SMARCB1: variants seen among roughly 807,000 people sequenced by gnomAD.
SMARCB1 encodes SWI/SNF-related matrix-associated actin-dependent regulator of chromatin subfamily B member 1.
A neutral mutation model predicts 49.0 loss-of-function variants in SMARCB1; 5 were observed. The ratio of observed to expected loss-of-function variants is 0.10; its 90% CI spans 0.05 to 0.21. SMARCB1 has a LOEUF of 0.21. Ranked by LOEUF, SMARCB1 falls within the 10% of genes least tolerant of loss-of-function variation. The probability of loss-of-function intolerance (pLI) is 1.00; values close to 1 mark genes in which losing one functional copy is unlikely to be tolerated. For missense variants in SMARCB1, 226 were observed against 509.2 expected, an observed-to-expected ratio of 0.44 and a Z score of 5.35; for synonymous variants, 201 against 200.1, an observed-to-expected ratio of 1.00 and a Z score of -0.04.
intron 5 of SMARCB1, among the ~76,000 whole-genome samples, chr22:23,807,275 A>G (rs1929550900): frequency 6.6e-6 from 1 of 152,130 alleles, no homozygotes; most frequent in African/African-American, 2.4e-5. Context: ...GTTTTTAGAG[A>G]TTTATATCCA....
intron 5 of SMARCB1, among the ~76,000 whole-genome samples, chr22:23,812,862 G>A (rs1055215515): frequency 2.4e-5 from 3 of 124,048 alleles, no homozygotes; most frequent in African/African-American, 9.3e-5. Context: ...AAGTCCTGTT[G>A]CTATTTTTTT....
In SMARCB1 at chr22:23,791,869, TAAAA is replaced by T; in HGVS notation, c.211_214del (p.Lys71GlnfsTer13). The T allele has an allele frequency of 6.2e-7, 1 of 1,614,068 alleles. No individual in the cohort carries two copies. Among genetic ancestry groups the T allele is most frequent in the Non-Finnish European group, 8.5e-7 (1 of 1,179,978 alleles). Reference sequence around the variant, plus strand: ...AGAAAATAGTTGCATCGTCACATGGTAAAAAAACAAAACCTAACACTAAGGGTGC... The same window carrying T: ...AGAAAATAGTTGCATCGTCACATGGTAAACAAAACCTAACACTAAGGGTGC... On this transcript the variant is annotated frameshift_variant, in exon 2 of 9. Coordinates refer to ENST00000644036, the MANE Select transcript of SMARCB1 (RefSeq NM_003073.5). LOFTEE classifies it high-confidence loss of function.
At chr22:23,815,491 G>A (rs4387913) in intron 5 of SMARCB1, 59,206 of 151,942 alleles carry the variant, frequency 0.39, 14,100 homozygotes, top group Non-Finnish European at 0.52. Context: ...CCGATATAGC[G>A]CCACTGCACT....
rs1320745476 is a variant in SMARCB1 at position 23,835,923 on chromosome 22, C to T, written c.*1743C>T. ...CCATCTCCACAAGGTCTGGCTACAACACGGAGGGCAGACTCAACAGAGAAC... is the reference window on the plus strand; with the variant it reads ...CCATCTCCACAAGGTCTGGCTACAATACGGAGGGCAGACTCAACAGAGAAC... On this transcript the variant is annotated 3_prime_UTR_variant, in exon 9 of 9. Coordinates refer to ENST00000644036, the MANE Select transcript of SMARCB1 (RefSeq NM_003073.5). 1 of 985,528 alleles carries T rather than the reference C, an allele frequency of 1.0e-6. No individual in the cohort carries two copies. Among genetic ancestry groups the T allele is most frequent in the Non-Finnish European group, 1.2e-6 (1 of 829,968 alleles). The allele number at this position is 985,528 out of a possible 1,614,324, so 61.0% of individuals were successfully genotyped here. A position where few individuals can be genotyped will look rare whatever the true frequency, so the allele number is the denominator to read the frequency against.
In SMARCB1 at chr22:23,825,278, G is replaced by A. The variant is rs1601433375; in HGVS notation, c.849G>A (p.Met283Ile). 6.2e-7 allele frequency: 1 copy of A among 1,614,170 alleles called. No homozygotes were observed. The highest frequency in any genetic ancestry group is 8.5e-7 in the Non-Finnish European group (1 of 1,179,970). Reference protein sequence around the residue: ...ISLVDQFEWDMSEKENSPEKF... With the variant: ...ISLVDQFEWDISEKENSPEKF... Reference sequence around the variant, plus strand: ...TGGTGGACCAGTTTGAGTGGGACATGTCAGAGAAGGAGAACTCACCAGAGA... The same window carrying A: ...TGGTGGACCAGTTTGAGTGGGACATATCAGAGAAGGAGAACTCACCAGAGA... Residue 283 changes from methionine to isoleucine, a missense_variant, in exon 7 of 9, where the codon ATG (methionine) becomes ATA (isoleucine). Transcript: ENST00000644036.
intron 3 of SMARCB1, among the ~76,000 whole-genome samples, chr22:23,795,447 G>T (rs930345274): frequency 1.3e-5 from 2 of 152,070 alleles, no homozygotes; most frequent in Non-Finnish European, 2.9e-5. Context: ...CCTGAGGTCA[G>T]GAGTTCGAGA....
intron 5 of SMARCB1, among the ~76,000 whole-genome samples, chr22:23,809,423 T>G (rs932586001): frequency 5.9e-5 from 9 of 151,834 alleles, no homozygotes; most frequent in African/African-American, 1.7e-4. Context: ...ATTACAGGCA[T>G]GTGCCACCAT....
At chr22:23,806,648 G>A (rs1190691385) in intron 5 of SMARCB1, among the ~76,000 whole-genome samples, 5 of 152,164 alleles carry the variant, frequency 3.3e-5, no homozygotes, top group African/African-American at 9.7e-5. Context: ...TTGGCCAGGC[G>A]TGGTGGCTCA....
At chr22:23,814,704 C>T (rs1371092784) in intron 5 of SMARCB1, among the ~76,000 whole-genome samples, 1 of 151,766 alleles carries the variant, frequency 6.6e-6, no homozygotes, top group Admixed American at 6.6e-5. Flanking sequence ...GGCACAGTGG[C>T]TCACGCCTGT....
intron 5 of SMARCB1, among the ~76,000 whole-genome samples, chr22:23,808,957 T>C (rs9612437): frequency 0.13 from 19,188 of 150,506 alleles, 1,371 homozygotes; most frequent in South Asian, 0.28. Context: ...CTCGGCCTCC[T>C]AAAGTGCTGG....
At chr22:23,823,123 C>T (rs2030193712) in intron 6 of SMARCB1, 1 of 152,216 alleles carries the variant, frequency 6.6e-6, no homozygotes, top group East Asian at 1.9e-4. Context: ...CTCAGAACAG[C>T]CTTTTGAATG....
At chr22:23,790,247 T>C (rs34814300) in intron 1 of SMARCB1, among the ~76,000 whole-genome samples, 7,119 of 152,160 alleles carry the variant, frequency 0.047, 535 homozygotes, top group African/African-American at 0.16. Flanking sequence ...AAACTCTACA[T>C]TTACCATGAT....
rs2030850076 is a variant in SMARCB1 at position 23,834,267 on chromosome 22, G to A, written c.*87G>A. 17 of 1,409,562 alleles carry A rather than the reference G, an allele frequency of 1.2e-5. No individual in the cohort carries two copies. The highest frequency in any genetic ancestry group is 1.7e-5 in the Non-Finnish European group (17 of 1,023,140). 87.3% of individuals were successfully genotyped at this position (1,409,562 alleles called of 1,614,324 possible). A position where few individuals can be genotyped will look rare whatever the true frequency, so the allele number is the denominator to read the frequency against. ...TCTTCTGGCAAGGACAGAGGCGAGG[G>A]GACAGCCCAGCGCCATCCTGAGGAT... is the stretch of plus-strand genomic sequence containing the variant. On this transcript the variant is annotated 3_prime_UTR_variant, in exon 9 of 9. Coordinates refer to ENST00000644036, the MANE Select transcript of SMARCB1 (RefSeq NM_003073.5).
intron 5 of SMARCB1, among the ~76,000 whole-genome samples, chr22:23,810,631 A>G (rs1283402402): frequency 6.6e-6 from 1 of 152,194 alleles, no homozygotes; most frequent in Admixed American, 6.5e-5. Context: ...ATGTAGATAA[A>G]TAAAATAGAC....
chr22:23,787,396 G>C (rs1031295727), intron 1 of SMARCB1, 134 bp downstream of exon 1: 1 of 469,036 alleles, frequency 2.1e-6, no homozygotes, highest in Non-Finnish European at 3.8e-6. Flanking sequence ...GGGCTGTGGG[G>C]CGTGGCCTAG....
chr22:23,828,527 AC>A (rs1350109273), intron 7 of SMARCB1, among the ~76,000 whole-genome samples: 15 of 151,592 alleles, frequency 9.9e-5, no homozygotes, highest in Admixed American at 9.8e-4. Context: ...GGTGGTGGGC[AC>A]CCGTAATCCC....
rs376715644 is a variant in SMARCB1 at position 23,834,127 on chromosome 22, C to T, written c.1119-14C>T. The T allele has an allele frequency of 1.9e-6, 3 of 1,582,150 alleles. No homozygotes were observed. Among genetic ancestry groups the T allele is most frequent in the African/African-American group, 1.4e-5 (1 of 73,986 alleles). On this transcript the variant is annotated splice_polypyrimidine_tract_variant and intron_variant, in intron 8 of 8. Coordinates refer to ENST00000644036, the MANE Select transcript of SMARCB1 (RefSeq NM_003073.5). ...GCTGGCCCCGACTCATTGCCCTCCCCACTCCTCTTCCAGGCGGATGAGGCG... is the reference window on the plus strand; with the variant it reads ...GCTGGCCCCGACTCATTGCCCTCCCTACTCCTCTTCCAGGCGGATGAGGCG...
chr22:23,796,293 A>G (rs569518380), intron 3 of SMARCB1, among the ~76,000 whole-genome samples: 8 of 152,276 alleles, frequency 5.3e-5, no homozygotes, highest in Admixed American at 4.6e-4. Context: ...CCAGCCTTTA[A>G]GGAAAGGCTA....
chr22:23,815,350 T>C (rs35370296), intron 5 of SMARCB1: 25,475 of 152,088 alleles, frequency 0.17, 2,520 homozygotes, highest in South Asian at 0.28. Context: ...CTGGTTAACA[T>C]GGTGAAACCC....
Sources: gnomAD v4.1 joint callset for allele counts (sites outside exome capture counted in the v4.1 genomes callset) on GRCh38, gnomAD v4.1.1 for gene constraint, MANE v1.5 for transcripts, NCBI Gene and HGNC (gene_info 2026-07-23, HGNC 2026-07-21) for gene names.